FER: variants seen among roughly 807,000 people sequenced by gnomAD.
FER encodes the protein tyrosine-protein kinase Fer.
Under a neutral mutation model 111.0 loss-of-function variants are expected in FER, and 63 were observed. The ratio of observed to expected loss-of-function variants is 0.57; its 90% CI spans 0.46 to 0.70. The LOEUF (loss-of-function observed/expected upper bound fraction) is 0.70, where lower values mean the gene tolerates loss of function less well. Among genes scored for constraint, FER ranks in the 30% least tolerant of loss-of-function variants. The pLI, the probability that FER is intolerant of heterozygous loss-of-function variation, is 0.00. For synonymous variants in FER, 327 were observed against 313.9 expected (o/e 1.04, Z -0.44); for missense variants, 914 against 954.0 (o/e 0.96, Z 0.55).
intron 13 of FER, among the ~76,000 whole-genome samples, chr5:109,018,347 A>G (rs1444335606): frequency 1.3e-5 from 2 of 151,912 alleles, no homozygotes; most frequent in East Asian, 3.8e-4. Context: ...TGCGACTGAT[A>G]ACTGATCAAT....
chr5:109,029,053 T>C (rs368743184), intron 13 of FER, among the ~76,000 whole-genome samples: 12 of 152,288 alleles, frequency 7.9e-5, no homozygotes, highest in African/African-American at 2.2e-4. Flanking sequence ...CTTTTGAACA[T>C]TCTGGTAGTT....
At chr5:108,790,235 CCACA>C (rs66805209) in intron 2 of FER, among the ~76,000 whole-genome samples, 7,154 of 144,830 alleles carry the variant, frequency 0.049, 182 homozygotes, top group Non-Finnish European at 0.061. Flanking sequence ...TGCATACACA[CCACA>C]CACACACACA....
chr5:109,083,559 C>G (rs2150026109), intron 16 of FER, among the ~76,000 whole-genome samples: 1 of 152,176 alleles, frequency 6.6e-6, no homozygotes, highest in African/African-American at 2.4e-5. Context: ...TTCCTCTAAT[C>G]TAATTTTTTT....
At chr5:109,095,073 C>G (rs1374448236) in intron 16 of FER, among the ~76,000 whole-genome samples, 2 of 152,074 alleles carry the variant, frequency 1.3e-5, no homozygotes, top group Non-Finnish European at 2.9e-5. Flanking sequence ...CAAAAATCAC[C>G]TGCCAAGGAA....
intron 16 of FER, among the ~76,000 whole-genome samples, chr5:109,050,055 C>T (rs1247683098): frequency 6.6e-6 from 1 of 152,194 alleles, no homozygotes; most frequent in Non-Finnish European, 1.5e-5. Context: ...TAATAGTCCA[C>T]TCCACTCTAA....
At chr5:108,949,298 G>A (rs772371657) in intron 11 of FER, among the ~76,000 whole-genome samples, 56 of 152,028 alleles carry the variant, frequency 3.7e-4, no homozygotes, top group Non-Finnish European at 5.9e-4. Flanking sequence ...ATCAAGGCAC[G>A]TTGTCAAGTT....
chr5:109,159,339 C>G lies in FER; in HGVS notation c.2049-21408C>G, dbSNP rs534998649. 2.0e-5 allele frequency among the ~76,000 whole-genome samples: 3 copies of G among 152,264 alleles called. No individual in the cohort carries two copies. The East Asian group carries it at 5.8e-4, about 29-fold the overall frequency. ...CAATCAGAAATAATCTTTACCTTTT[C>G]TATCACATATTTTTGTGTTTATAGC... On this transcript the variant is annotated intron_variant, in intron 17 of 19. Transcript: ENST00000281092.
intron 10 of FER, among the ~76,000 whole-genome samples, chr5:108,906,685 C>T (rs1016719049): frequency 6.6e-6 from 1 of 151,438 alleles, no homozygotes; most frequent in Admixed American, 6.6e-5. Flanking sequence ...TTTAATGTTA[C>T]TTTTATAGTT....
rs565519061 is a variant in FER, at chr5:108,754,236, C to T, written c.-206+6236C>T. On this transcript the variant is annotated intron_variant, in intron 1 of 19. Transcript: ENST00000281092. ...GAGCAGCCTGGGTAACATAACGAGA[C>T]GGCACTCTACAAAAAAGTTAAAAAA... 6.6e-5 allele frequency among the ~76,000 whole-genome samples: 10 copies of T among 151,856 alleles called. No homozygotes were observed. The South Asian group carries it at 8.3e-4, about 13-fold the overall frequency.
chr5:108,893,144 G>A (rs183527512), intron 9 of FER, among the ~76,000 whole-genome samples: 3,197 of 152,108 alleles, frequency 0.021, 106 homozygotes, highest in African/African-American at 0.074. Flanking sequence ...TTGACTTGGC[G>A]ATGCAGGCTC....
intron 17 of FER, among the ~76,000 whole-genome samples, chr5:109,110,049 C>T (rs1749415392): frequency 6.6e-6 from 1 of 152,090 alleles, no homozygotes; most frequent in Admixed American, 6.6e-5. Flanking sequence ...GGCACTGTAT[C>T]TCTGACTCCA....
intron 2 of FER, among the ~76,000 whole-genome samples, chr5:108,779,284 A>G (rs965578771): frequency 6.6e-6 from 1 of 152,024 alleles, no homozygotes; most frequent in South Asian, 2.1e-4. Flanking sequence ...TGTGTTGGCT[A>G]TTCTGGGTCT....
chr5:109,065,321 T>C (rs1371465503), intron 16 of FER, among the ~76,000 whole-genome samples: 3 of 152,196 alleles, frequency 2.0e-5, no homozygotes, highest in Non-Finnish European at 2.9e-5. Flanking sequence ...GAATATTCTG[T>C]TTTATTTTTT....
chr5:108,755,861 T>A (rs561662034), intron 1 of FER, among the ~76,000 whole-genome samples: 1 of 150,710 alleles, frequency 6.6e-6, no homozygotes, highest in African/African-American at 2.4e-5. Context: ...TATGAAAATA[T>A]ACAGTATCAG....
At chr5:109,107,334 T>G (rs1749058625) in intron 17 of FER, among the ~76,000 whole-genome samples, 2 of 152,158 alleles carry the variant, frequency 1.3e-5, no homozygotes, top group South Asian at 4.1e-4. Context: ...GTTTTTCTTT[T>G]AACTTTTATT....
At chr5:109,166,162 C>A (rs1756537033) in intron 17 of FER, among the ~76,000 whole-genome samples, 1 of 151,742 alleles carries the variant, frequency 6.6e-6, no homozygotes, top group Non-Finnish European at 1.5e-5. Context: ...CTCATGTTAG[C>A]CTAGCCATAG....
chr5:109,010,196 C>T (rs941392136), intron 13 of FER, among the ~76,000 whole-genome samples: 9 of 152,010 alleles, frequency 5.9e-5, no homozygotes, highest in South Asian at 4.1e-4. Flanking sequence ...GACAGCCTGT[C>T]GCCCAGGCTA....
At chr5:108,815,886 C>A (rs1400862285) in intron 3 of FER, among the ~76,000 whole-genome samples, 1 of 152,180 alleles carries the variant, frequency 6.6e-6, no homozygotes, top group South Asian at 2.1e-4. Context: ...AATTTTTAAG[C>A]CTGGCTATAG....
In FER at chr5:109,194,863, T is replaced by C. The variant is rs981871760; in HGVS notation, c.*7288T>C. 1.3e-5 allele frequency: 2 copies of C among 151,876 alleles called. No homozygotes were observed. Among genetic ancestry groups the C allele is most frequent in the Admixed American group, 6.6e-5 (1 of 15,238 alleles). The allele number at this position is 151,876 out of a possible 1,614,324, so 9.4% of individuals were successfully genotyped here. A position where few individuals can be genotyped will look rare whatever the true frequency, so the allele number is the denominator to read the frequency against. On this transcript the variant is annotated 3_prime_UTR_variant, in exon 20 of 20. Transcript: ENST00000281092. Reference sequence around the variant, plus strand: ...ACCTTGGTGTCTTCTTTGAGTTGCCTGGACAGTATTTATGAAACAAAAAAC... The same window carrying C: ...ACCTTGGTGTCTTCTTTGAGTTGCCCGGACAGTATTTATGAAACAAAAAAC...
Sources: allele counts gnomAD v4.1 joint callset (sites outside exome capture counted in the v4.1 genomes callset), GRCh38; gene constraint gnomAD v4.1.1; transcripts MANE v1.5; gene names NCBI Gene and HGNC (gene_info 2026-07-23, HGNC 2026-07-21).